SLC10A7: variants seen among roughly 807,000 people sequenced by gnomAD.
SLC10A7 encodes the protein sodium/bile acid cotransporter 7.
SLC10A7 carries 29 observed loss-of-function variants against 43.2 expected under a neutral mutation model. The observed-to-expected ratio is 0.67, with a 90% confidence interval of 0.50 to 0.92. The LOEUF is 0.92. SLC10A7 is among the 40% of genes least tolerant of loss of function. The probability of loss-of-function intolerance (pLI) is 0.00; values close to 1 mark genes in which losing one functional copy is unlikely to be tolerated. For synonymous variants in SLC10A7, 152 were observed against 144.8 expected (o/e 1.05, Z -0.35); for missense variants, 295 against 403.2 (o/e 0.73, Z 2.30).
At chr4:146,418,766 C>T (rs1346306933) in intron 5 of SLC10A7, among the ~76,000 whole-genome samples, 3 of 152,180 alleles carry the variant, frequency 2.0e-5, no homozygotes, top group Non-Finnish European at 4.4e-5. Flanking sequence ...CACTCTCCAC[C>T]TGCAGAGAGT....
intron 4 of SLC10A7, among the ~76,000 whole-genome samples, chr4:146,469,597 T>A (rs957764357): frequency 1.3e-5 from 2 of 152,166 alleles, no homozygotes; most frequent in Non-Finnish European, 2.9e-5. Context: ...CATTTCAACC[T>A]ATAAAGGAGT....
chr4:146,420,008 T>C (rs1318564573), intron 5 of SLC10A7, among the ~76,000 whole-genome samples: 1 of 152,104 alleles, frequency 6.6e-6, no homozygotes, highest in Non-Finnish European at 1.5e-5. Context: ...TGTTACAAAG[T>C]GTACCAAGAA....
chr4:146,486,968 C>T lies in SLC10A7; in HGVS notation c.396+16881G>A, dbSNP rs146295270. Among the ~76,000 whole-genome samples the T allele has an allele frequency of 4.3e-3, 656 of 152,304 alleles. 4 individuals are homozygous for T. Among genetic ancestry groups the T allele is most frequent in the African/African-American group, 0.015 (618 of 41,558 alleles). The stretch of plus-strand genomic sequence containing the variant: ...CCACCAACTCACCATAAGGAAGCAA[C>T]CTTTCAGTCAAATTGTCAGCCAAAC... On this transcript the variant is annotated intron_variant, in intron 4 of 11. Coordinates refer to ENST00000335472, the MANE Select transcript of SLC10A7 (RefSeq NM_001029998.6).
At chr4:146,346,350 G>A (rs1734621878) in intron 5 of SLC10A7, among the ~76,000 whole-genome samples, 1 of 152,108 alleles carries the variant, frequency 6.6e-6, no homozygotes, top group African/African-American at 2.4e-5. Context: ...ATACATATAT[G>A]TGCAATATGT....
At chr4:146,441,977 C>T (rs74761828) in intron 5 of SLC10A7, 1,496 of 981,330 alleles carry the variant, frequency 1.5e-3, no homozygotes, top group Non-Finnish European at 1.7e-3. Context: ...TGATTTTACT[C>T]TCAATTATTT....
intron 6 of SLC10A7, among the ~76,000 whole-genome samples, chr4:146,322,658 T>G (rs1381496273): frequency 2.6e-5 from 4 of 152,186 alleles, no homozygotes; most frequent in Non-Finnish European, 4.4e-5. Context: ...TCTTTGCTAT[T>G]GTGAATAGTA....
At chr4:146,429,042 C>T (rs1390443523) in intron 5 of SLC10A7, among the ~76,000 whole-genome samples, 1 of 152,034 alleles carries the variant, frequency 6.6e-6, no homozygotes, top group African/African-American at 2.4e-5. Flanking sequence ...GAAAAAAAAT[C>T]TTATAAATTA....
intron 5 of SLC10A7, among the ~76,000 whole-genome samples, chr4:146,385,542 A>T (rs918963476): frequency 3.9e-5 from 6 of 152,018 alleles, no homozygotes; most frequent in Admixed American, 2.6e-4. Context: ...TTGATTACAG[A>T]TGTTTCTCAT....
intron 4 of SLC10A7, among the ~76,000 whole-genome samples, chr4:146,499,514 G>A (rs993940667): frequency 6.6e-6 from 1 of 151,998 alleles, no homozygotes; most frequent in Non-Finnish European, 1.5e-5. Flanking sequence ...CACTTATCTA[G>A]TAACATTATT....
intron 4 of SLC10A7, 103 bp downstream of exon 4, chr4:146,503,746 A>T (rs1736634037): frequency 2.0e-6 from 2 of 983,290 alleles, no homozygotes; most frequent in South Asian, 1.4e-5. Context: ...TATGGCTAGG[A>T]GTTTTCTGCA....
chr4:146,377,707 C>T (rs1737303449), intron 5 of SLC10A7, among the ~76,000 whole-genome samples: 2 of 152,158 alleles, frequency 1.3e-5, no homozygotes, highest in South Asian at 4.1e-4. Flanking sequence ...AGAGGGTGTG[C>T]AGAGGACAAC....
chr4:146,470,435 T>C (rs962485291), intron 4 of SLC10A7, among the ~76,000 whole-genome samples: 9 of 151,734 alleles, frequency 5.9e-5, no homozygotes, highest in African/African-American at 1.9e-4. Flanking sequence ...ACATACCCCA[T>C]GTATACATAA....
chr4:146,256,743 C>G (rs375230614), intron 11 of SLC10A7: 3 of 1,169,928 alleles, frequency 2.6e-6, no homozygotes, highest in East Asian at 5.1e-5. Flanking sequence ...CCTGGCTACT[C>G]GTATGGTTCC....
chr4:146,402,898 C>T (rs374011580), intron 5 of SLC10A7, among the ~76,000 whole-genome samples: 52 of 152,268 alleles, frequency 3.4e-4, no homozygotes, highest in African/African-American at 1.2e-3. Context: ...TGGTTAAGAG[C>T]ACAGCTTCAA....
In SLC10A7 at chr4:146,292,959, A is replaced by C; in HGVS notation, c.743T>G (p.Phe248Cys). ...TGAAAAGATGAAAGTTAAAAGCATAAAACTCAGCTGGATAGAAAATACTGA... is the reference window on the plus strand; with the variant it reads ...TGAAAAGATGAAAGTTAAAAGCATACAACTCAGCTGGATAGAAAATACTGA... ...LFIIFSIQLS[F>C]MLLTFIFSTR... Residue 248 changes from phenylalanine (F) to cysteine (C), a missense_variant, in exon 9 of 12, where the codon TTT becomes TGT. Phe to Cys is a radical substitution (Grantham distance 205). Around this residue, in one of 2 missense-constraint regions of SLC10A7, gnomAD observed 242 missense variants for 362.5 expected, o/e 0.67. Coordinates refer to ENST00000335472, the MANE Select transcript of SLC10A7 (RefSeq NM_001029998.6). 6.3e-7 allele frequency: 1 copy of C among 1,592,858 alleles called. No individual in the cohort carries two copies. The highest frequency in any genetic ancestry group is 8.6e-7 in the Non-Finnish European group (1 of 1,164,490).
At chr4:146,431,050 T>C (rs1560900722) in intron 5 of SLC10A7, among the ~76,000 whole-genome samples, 1 of 152,160 alleles carries the variant, frequency 6.6e-6, no homozygotes, top group South Asian at 2.1e-4. Flanking sequence ...CATTTGTAAA[T>C]AAAATTAATA....
intron 5 of SLC10A7, among the ~76,000 whole-genome samples, chr4:146,328,403 A>G (rs1733306386): frequency 6.6e-6 from 1 of 152,154 alleles, no homozygotes; most frequent in Admixed American, 6.5e-5. Flanking sequence ...ACCAGTGCCT[A>G]TGGACAACAT....
At chr4:146,513,664 C>G (rs1389901476) in intron 2 of SLC10A7, among the ~76,000 whole-genome samples, 2 of 152,182 alleles carry the variant, frequency 1.3e-5, no homozygotes, top group Non-Finnish European at 2.9e-5. Context: ...CATAAGGGGC[C>G]TCTTAACAAT....
rs895846827 is a variant in SLC10A7, at chr4:146,446,952, T to C, written c.397-4131A>G. Among the ~76,000 whole-genome samples the C allele has an allele frequency of 5.7e-4, 87 of 152,120 alleles. 1 individual carries two copies. Among genetic ancestry groups the C allele is most frequent in the Non-Finnish European group, 6.2e-4 (42 of 68,032 alleles). On this transcript the variant is annotated intron_variant, in intron 4 of 11. Transcript: ENST00000335472. Reference sequence around the variant, plus strand: ...AAAGTCTTCATCTCCTACTGAGTTATTTTATGTGTTTGGCAGAATCCAAGG... The same window carrying C: ...AAAGTCTTCATCTCCTACTGAGTTACTTTATGTGTTTGGCAGAATCCAAGG...
Sources: gnomAD v4.1 joint callset for allele counts (sites outside exome capture counted in the v4.1 genomes callset) on GRCh38, gnomAD v4.1.1 for gene constraint, gnomAD v4.1.1 regional missense constraint, MANE v1.5 for transcripts, NCBI Gene and HGNC (gene_info 2026-07-23, HGNC 2026-07-21) for gene names.